STK39: variants seen among roughly 807,000 people sequenced by gnomAD.
The protein encoded by STK39 is serine/threonine kinase 39.
Under a neutral mutation model 77.8 loss-of-function variants are expected in STK39, and 20 were observed. The observed-to-expected ratio is 0.26, with a 90% CI of 0.18 to 0.37. The LOEUF is 0.37. Ranked by LOEUF, STK39 falls within the 10% of genes least tolerant of loss-of-function variation. The pLI is 1.00. For synonymous variants in STK39, 246 were observed against 234.1 expected, an observed-to-expected ratio of 1.05 and a Z score of -0.47; for missense variants, 479 against 656.5, an observed-to-expected ratio of 0.73 and a Z score of 2.95.
At chr2:168,227,438 A>T (rs940694149) in intron 1 of STK39, among the ~76,000 whole-genome samples, 1 of 152,230 alleles carries the variant, frequency 6.6e-6, no homozygotes, top group African/African-American at 2.4e-5. Context: ...TCATCAAATT[A>T]AATTCCTATT....
At chr2:168,203,996 G>GCTCCTCT (rs1286989372) in intron 1 of STK39, among the ~76,000 whole-genome samples, 5 of 152,190 alleles carry the variant, frequency 3.3e-5, no homozygotes, top group Admixed American at 3.3e-4. Context: ...AAACACAGAG[G>GCTCCTCT]CTCCTCTATC....
rs143652949 is a variant in STK39 at position 168,164,911 on chromosome 2, A to G, written c.431-1031T>C. Among the ~76,000 whole-genome samples, 488 of 152,314 alleles carry G rather than the reference A, an allele frequency of 3.2e-3. 3 individuals are homozygous for G. Among genetic ancestry groups the G allele is most frequent in the African/African-American group, 0.011 (470 of 41,576 alleles). On this transcript the variant is annotated intron_variant, in intron 3 of 17. Transcript: ENST00000355999. ...GGGGTTTGACATTTCTGAAGAGTTA[A>G]CAAACGGCTTACCTCAGGACCTGAA...
intron 6 of STK39, 68 bp from the exon 7 acceptor site, chr2:168,140,458 C>A: frequency 1.4e-6 from 2 of 1,404,120 alleles, no homozygotes; most frequent in Non-Finnish European, 2.0e-6. Flanking sequence ...AAGTCCATGT[C>A]ATGTCAGAAA....
At chr2:168,197,218 G>C (rs1364552620) in intron 1 of STK39, among the ~76,000 whole-genome samples, 1 of 152,184 alleles carries the variant, frequency 6.6e-6, no homozygotes, top group African/African-American at 2.4e-5. Context: ...AATATATTTG[G>C]ACGTAGAGCC....
intron 14 of STK39, among the ~76,000 whole-genome samples, chr2:168,040,144 G>A (rs1685066130): frequency 6.6e-6 from 1 of 152,102 alleles, no homozygotes; most frequent in African/African-American, 2.4e-5. Flanking sequence ...ATTGTATGCT[G>A]TGGTTTTTGC....
At chr2:168,122,343 T>C (rs1297584847) in intron 10 of STK39, among the ~76,000 whole-genome samples, 2 of 152,226 alleles carry the variant, frequency 1.3e-5, no homozygotes, top group Non-Finnish European at 2.9e-5. Context: ...CCTCCATCCA[T>C]GTTGCTGCAA....
At chr2:168,070,786 T>C (rs1685921468) in intron 12 of STK39, among the ~76,000 whole-genome samples, 1 of 152,156 alleles carries the variant, frequency 6.6e-6, no homozygotes, top group Non-Finnish European at 1.5e-5. Context: ...CATCCTTTTT[T>C]TAATACTTTG....
chr2:167,974,189 A>G (rs1683201984), intron 16 of STK39, among the ~76,000 whole-genome samples: 1 of 152,204 alleles, frequency 6.6e-6, no homozygotes. Flanking sequence ...GACTGTTTGA[A>G]AAGCTAAGTC....
chr2:168,065,812 C>A (rs1358512950), intron 12 of STK39, among the ~76,000 whole-genome samples: 1 of 152,088 alleles, frequency 6.6e-6, no homozygotes, highest in Admixed American at 6.5e-5. Flanking sequence ...ATAAAACCTG[C>A]CCCTTTAATC....
chr2:167,990,469 C>T (rs188260369), intron 16 of STK39, among the ~76,000 whole-genome samples: 1 of 152,158 alleles, frequency 6.6e-6, no homozygotes, highest in Non-Finnish European at 1.5e-5. Context: ...AGGCTTATAA[C>T]GAGAAATGGT....
At chr2:168,113,854 T>C (rs1360500890) in intron 10 of STK39, among the ~76,000 whole-genome samples, 1 of 152,026 alleles carries the variant, frequency 6.6e-6, no homozygotes, top group Non-Finnish European at 1.5e-5. Context: ...CAGGCAAATA[T>C]CTCTTGATAA....
Position 168,130,700 on chromosome 2 carries a change from T to C in STK39, c.975-942A>G, listed in dbSNP as rs79468954. Among the ~76,000 whole-genome samples, 538 of 152,362 alleles carry C rather than the reference T, an allele frequency of 3.5e-3. 2 individuals are homozygous for C. The highest frequency in any genetic ancestry group is 0.012 in the African/African-American group (513 of 41,584). On this transcript the variant is annotated intron_variant, in intron 8 of 17. Transcript: ENST00000355999. Reference sequence around the variant, plus strand: ...ATCTTTGCCTTCAATAGTTATTTCATAGGAAGTAGCAGAATACTGAGTTCC... The same window carrying C: ...ATCTTTGCCTTCAATAGTTATTTCACAGGAAGTAGCAGAATACTGAGTTCC...
At chr2:168,218,349 T>C (rs774070229) in intron 1 of STK39, among the ~76,000 whole-genome samples, 2 of 152,214 alleles carry the variant, frequency 1.3e-5, no homozygotes, top group Non-Finnish European at 2.9e-5. Flanking sequence ...CTTGGGAAAG[T>C]TCACTTTCGC....
rs200350937 is a variant in STK39 at position 168,163,876 on chromosome 2, T to C, written c.435A>G (p.Ser145=). The C allele has an allele frequency of 1.6e-5, 26 of 1,613,176 alleles. No individual in the cohort carries two copies. The highest frequency in any genetic ancestry group is 2.2e-5 in the Non-Finnish European group (26 of 1,179,668). The change falls in exon 4 of 18, where the codon TCA becomes TCG. Residue 145 remains serine, a synonymous_variant. Coordinates refer to ENST00000355999, the MANE Select transcript of STK39 (RefSeq NM_013233.3). The stretch of plus-strand genomic sequence containing the variant: ...CAATGTATTTTATGATATCCAACAT[T>C]GAACCTAAGTAGACAAACAGAAGAA... The part of the protein sequence containing the change: ...WLVMKLLSGG[S]MLDIIKYIVN...
intron 2 of STK39, among the ~76,000 whole-genome samples, 173 bp downstream of exon 2, chr2:168,181,805 A>G (rs1689088358): frequency 6.6e-6 from 1 of 152,226 alleles, no homozygotes; most frequent in Non-Finnish European, 1.5e-5. Context: ...ATTATACAAC[A>G]CAATCATAAG....
chr2:168,137,244 G>C (rs955479576), intron 8 of STK39, among the ~76,000 whole-genome samples: 1 of 152,170 alleles, frequency 6.6e-6, no homozygotes, highest in African/African-American at 2.4e-5. Context: ...TAAAATATAA[G>C]GATCAAATTG....
chr2:168,023,337 T>A (rs1436557588), intron 14 of STK39, among the ~76,000 whole-genome samples: 1 of 152,080 alleles, frequency 6.6e-6, no homozygotes, highest in Non-Finnish European at 1.5e-5. Flanking sequence ...TAAGTTTTTC[T>A]TCTTGTTCTT....
At chr2:168,117,947 A>C (rs1229737176) in intron 10 of STK39, among the ~76,000 whole-genome samples, 2 of 152,166 alleles carry the variant, frequency 1.3e-5, no homozygotes, top group African/African-American at 4.8e-5. Context: ...AGTTTTGACA[A>C]GATCAAAAGG....
At position 167,973,618 on chromosome 2, in the gene STK39, T is replaced by C. The variant is rs1683176680; in HGVS notation, c.1499-8892A>G. Among the ~76,000 whole-genome samples, 4 of 152,212 alleles carry C rather than the reference T, an allele frequency of 2.6e-5. No individual in the cohort carries two copies. The South Asian group carries it at 8.3e-4, about 31-fold the overall frequency. On this transcript the variant is annotated intron_variant, in intron 16 of 17. Coordinates refer to ENST00000355999, the MANE Select transcript of STK39 (RefSeq NM_013233.3). Reference sequence around the variant, plus strand: ...ATGTTGCTGAGTTACCATTATAACATATGATTGAGACTACTGAAAAAATGG... The same window carrying C: ...ATGTTGCTGAGTTACCATTATAACACATGATTGAGACTACTGAAAAAATGG...
Sources: allele counts gnomAD v4.1 joint callset (sites outside exome capture counted in the v4.1 genomes callset), GRCh38; gene constraint gnomAD v4.1.1; transcripts MANE v1.5; gene names NCBI Gene and HGNC (gene_info 2026-07-23, HGNC 2026-07-21).